The following SNRPN variants were observed in gnomAD, a reference collection of about 807,000 sequenced individuals.
SNRPN encodes small nuclear ribonucleoprotein-associated protein N.
Under a neutral mutation model 25.2 loss-of-function variants are expected in SNRPN, and 7 were observed. The observed-to-expected ratio is 0.28, with a 90% CI of 0.16 to 0.52. The LOEUF is 0.52. Among genes scored for constraint, SNRPN ranks in the 20% least tolerant of loss-of-function variants. SNRPN has a pLI of 0.96. For missense variants in SNRPN, 196 were observed against 322.5 expected, an observed-to-expected ratio of 0.61 and a Z score of 3.00; for synonymous variants, 124 against 110.6, an observed-to-expected ratio of 1.12 and a Z score of -0.76.
chr15:24,923,339 G>C (rs921600134), intron 3 of SNRPN, among the ~76,000 whole-genome samples: 1 of 152,128 alleles, frequency 6.6e-6, no homozygotes, highest in African/African-American at 2.4e-5. Flanking sequence ...ATCTGTAACT[G>C]GTAGTGGAAT....
chr15:24,852,927 A>G (rs975361734), upstream of SNRPN, among the ~76,000 whole-genome samples: 1 of 152,172 alleles, frequency 6.6e-6, no homozygotes, highest in African/African-American at 2.4e-5. Context: ...GAGTGAGACC[A>G]TATCTCAACA....
intron 2 of SNRPN, among the ~76,000 whole-genome samples, chr15:24,847,835 A>G (rs1263421340): frequency 1.3e-5 from 2 of 152,094 alleles, no homozygotes; most frequent in East Asian, 1.9e-4. Context: ...CCTGAGCGCA[A>G]TCATACTTCG....
chr15:24,884,148 C>CAAA lies in SNRPN; in HGVS notation c.-578-2354_-578-2352dup, dbSNP rs61039873. Among the ~76,000 whole-genome samples, 98 of 104,844 alleles carry CAAA rather than the reference C, an allele frequency of 9.3e-4. 1 individual carries two copies. Among genetic ancestry groups the CAAA allele is most frequent in the South Asian group, 1.4e-3 (4 of 2,832 alleles). The allele number at this position is 104,844 out of a possible 152,430, so 68.8% of individuals were successfully genotyped here. A position where few individuals can be genotyped will look rare whatever the true frequency, so the allele number is the denominator to read the frequency against. The stretch of plus-strand genomic sequence containing the variant: ...GCAACATGGCATAACCCTGCCTCTA[C>CAAA]AAAAAAAAAAAAAAAAGATCTATAT... On this transcript the variant is annotated intron_variant, in intron 1 of 11. Transcript: ENST00000400097.
chr15:24,923,924 T>TA (rs1491223826), intron 3 of SNRPN, among the ~76,000 whole-genome samples: 214 of 8,788 alleles, frequency 0.024, 3 homozygotes, highest in African/African-American at 0.07. Context: ...TATATAAACA[T>TA]TTTTTTTTTT....
chr15:24,956,359 G>GGGGT lies in SNRPN; in HGVS notation c.-391+1299_-391+1300insGTGG, dbSNP rs200069493. ...GATCTGCGCAAGCGCTTCAGCGGGG[G>GGGGT]GGTGGCCGCTTCCTCCCTGTAGAGC... On this transcript the variant is annotated intron_variant, in intron 1 of 9. Transcript: ENST00000390687. 7.3e-5 allele frequency among the ~76,000 whole-genome samples: 11 copies of GGGGT among 151,286 alleles called. 1 individual carries two copies. The highest frequency in any genetic ancestry group is 2.6e-4 in the Admixed American group (4 of 15,178).
intron 2 of SNRPN, among the ~76,000 whole-genome samples, chr15:24,844,148 GTGTT>G (rs961457955): frequency 3.4e-4 from 51 of 151,994 alleles, no homozygotes; most frequent in Middle Eastern, 3.4e-3. Context: ...GTGTGTGTGT[GTGTT>G]TGTGTGTGCG....
upstream of SNRPN, among the ~76,000 whole-genome samples, chr15:24,855,230 T>A (rs563583073): frequency 5.9e-5 from 9 of 152,352 alleles, no homozygotes; most frequent in Non-Finnish European, 1.2e-4. Flanking sequence ...TTTATGTCAG[T>A]ATCAGCAAAT....
intron 2 of SNRPN, among the ~76,000 whole-genome samples, chr15:24,918,409 AATATATATGTGTATATATAACATAAT>A: frequency 5.2e-5 from 3 of 57,250 alleles, no homozygotes; most frequent in Middle Eastern, 0.01. Flanking sequence ...TATATAACAT[AATATATATGTGTATATATAACATAAT>A]ATATATGTGT....
chr15:24,852,586 A>G (rs934407664), upstream of SNRPN, among the ~76,000 whole-genome samples: 8 of 152,220 alleles, frequency 5.3e-5, no homozygotes, highest in Non-Finnish European at 7.3e-5. Context: ...TTTCCAAATT[A>G]GAAAACAAGA....
At position 24,870,649 on chromosome 15, in the gene SNRPN, T is replaced by G. The variant is rs112308004; in HGVS notation, c.-579+13933T>G. ...AGTACAGTGCTCATAGACAACTTCT[T>G]GGACCTTTAGATGCAGAATCTTCAC... On this transcript the variant is annotated intron_variant, in intron 1 of 11. Coordinates refer to the SNRPN transcript ENST00000400097. Among the ~76,000 whole-genome samples the G allele has an allele frequency of 1.1e-3, 160 of 149,790 alleles. 7 individuals are homozygous for G. Among genetic ancestry groups the G allele is most frequent in the Admixed American group, 1.8e-3 (27 of 14,986 alleles).
At chr15:24,869,002 A>G (rs1025151025) in intron 1 of SNRPN, among the ~76,000 whole-genome samples, 2 of 152,024 alleles carry the variant, frequency 1.3e-5, no homozygotes, top group African/African-American at 2.4e-5. Context: ...AAAATTAGCC[A>G]GGCATGGTGG....
In SNRPN at chr15:24,954,999, G is replaced by A. The variant is rs781581137; in HGVS notation, c.-454G>A. The A allele has an allele frequency of 6.8e-6, 11 of 1,610,550 alleles. No homozygotes were observed. Among genetic ancestry groups the A allele is most frequent in the East Asian group, 6.7e-5 (3 of 44,838 alleles). ...CAGCGAGTCTGGCGCAGAGTGGAGC[G>A]GCCGCCGGAGATGCCTGACGCATCT... On this transcript the variant is annotated 5_prime_UTR_variant, in exon 1 of 10. Coordinates refer to ENST00000390687, the MANE Select transcript of SNRPN (RefSeq NM_003097.6).
intron 3 of SNRPN, among the ~76,000 whole-genome samples, chr15:24,932,167 GC>G (rs963228823): frequency 2.0e-5 from 3 of 152,104 alleles, no homozygotes; most frequent in Admixed American, 1.3e-4. Flanking sequence ...AGGGGATATG[GC>G]CTTGAGATGC....
chr15:24,909,495 G>A, intron 2 of SNRPN: 4 of 1,552,286 alleles, frequency 2.6e-6, no homozygotes, highest in Non-Finnish European at 3.5e-6. Context: ...AACCTACTGA[G>A]AAGCCTGCGG....
At chr15:24,930,635 T>TAATCCCAGTA (rs2060771735) in intron 3 of SNRPN, among the ~76,000 whole-genome samples, 1 of 147,482 alleles carries the variant, frequency 6.8e-6, no homozygotes, top group South Asian at 2.1e-4. Flanking sequence ...CTCACGCCTG[T>TAATCCCAGTA]AATCCCAGTA....
chr15:24,832,459 T>C (rs1191907013), intron 2 of SNRPN, among the ~76,000 whole-genome samples: 1 of 151,972 alleles, frequency 6.6e-6, no homozygotes, highest in Non-Finnish European at 1.5e-5. Flanking sequence ...AATGCACTAA[T>C]CAGCGCTCTG....
intron 1 of SNRPN, among the ~76,000 whole-genome samples, chr15:24,871,713 T>TC (rs1050704402): frequency 1.0e-4 from 15 of 148,520 alleles, no homozygotes; most frequent in African/African-American, 3.4e-4. Flanking sequence ...ATTTTGTCTC[T>TC]TTTTTTTTTG....
intron 2 of SNRPN, chr15:24,909,201 T>G: frequency 1.3e-6 from 2 of 1,497,730 alleles, no homozygotes; most frequent in Non-Finnish European, 1.8e-6. Flanking sequence ...AAGTAGCACA[T>G]GTAATCGGCA....
At chr15:24,932,028 A>G (rs766725102) in intron 3 of SNRPN, among the ~76,000 whole-genome samples, 1 of 151,930 alleles carries the variant, frequency 6.6e-6, no homozygotes, top group Non-Finnish European at 1.5e-5. Flanking sequence ...TTGAAGTTAG[A>G]CTATGACCCT....
Sources: allele counts gnomAD v4.1 joint callset (sites outside exome capture counted in the v4.1 genomes callset), GRCh38; gene constraint gnomAD v4.1.1; transcripts MANE v1.5; gene names NCBI Gene and HGNC (gene_info 2026-07-23, HGNC 2026-07-21).